The following CDH13 variants were observed in gnomAD, a reference collection of about 807,000 sequenced individuals.
CDH13 encodes the protein cadherin 13.
Under a neutral mutation model 63.8 loss-of-function variants are expected in CDH13, and 24 were observed. The observed-to-expected ratio is 0.38, with a 90% CI of 0.27 to 0.53. CDH13 has a LOEUF of 0.53. Among genes scored for constraint, CDH13 ranks in the 20% least tolerant of loss-of-function variants. The pLI, the probability that CDH13 is intolerant of heterozygous loss-of-function variation, is 0.85. For synonymous variants in CDH13, 503 were observed against 355.3 expected (o/e 1.42, Z -4.67); for missense variants, 1,049 against 903.1 (o/e 1.16, Z -2.07).
chr16:82,838,687 T>C (rs9934411), intron 1 of CDH13, among the ~76,000 whole-genome samples: 48,090 of 152,086 alleles, frequency 0.32, 8,829 homozygotes, highest in East Asian at 0.81. Flanking sequence ...TTGTTTATAC[T>C]CAAAGTCATT....
intron 7 of CDH13, 106 bp downstream of exon 7, chr16:83,486,761 G>A: frequency 1.0e-6 from 1 of 979,342 alleles, no homozygotes; most frequent in Non-Finnish European, 1.6e-6. Flanking sequence ...TACTGTAAAG[G>A]CAGAAATGAG....
chr16:83,014,600 C>T (rs1297308979), intron 2 of CDH13, among the ~76,000 whole-genome samples: 2 of 149,602 alleles, frequency 1.3e-5, no homozygotes, highest in African/African-American at 4.9e-5. Flanking sequence ...GAGTGGTGGC[C>T]CATGCCTGTA....
At chr16:83,272,734 A>T (rs950733285) in intron 5 of CDH13, among the ~76,000 whole-genome samples, 1 of 152,148 alleles carries the variant, frequency 6.6e-6, no homozygotes, top group Non-Finnish European at 1.5e-5. Flanking sequence ...GGCTGGACAC[A>T]CTTCAGTAGC....
intron 10 of CDH13, among the ~76,000 whole-genome samples, chr16:83,720,876 C>A (rs896613012): frequency 1.3e-5 from 2 of 152,176 alleles, no homozygotes; most frequent in East Asian, 1.9e-4. Context: ...CTGGCACAAC[C>A]TTTATGGAGT....
At chr16:83,104,218 A>G (rs948844892) in intron 3 of CDH13, among the ~76,000 whole-genome samples, 6 of 152,220 alleles carry the variant, frequency 3.9e-5, no homozygotes, top group Non-Finnish European at 8.8e-5. Context: ...AGAATATCAA[A>G]TGTGGAACTT....
At chr16:82,989,446 A>G (rs1008168657) in intron 2 of CDH13, among the ~76,000 whole-genome samples, 2 of 152,212 alleles carry the variant, frequency 1.3e-5, no homozygotes, top group African/African-American at 2.4e-5. Flanking sequence ...CACATGTCCC[A>G]GGAATATCAG....
At chr16:83,140,529 C>T (rs1037219305) in intron 4 of CDH13, among the ~76,000 whole-genome samples, 8 of 152,170 alleles carry the variant, frequency 5.3e-5, no homozygotes, top group African/African-American at 1.9e-4. Flanking sequence ...TCTTGGCTCA[C>T]TACAACCTCG....
chr16:83,299,885 C>T (rs2089691228), intron 5 of CDH13, among the ~76,000 whole-genome samples: 1 of 152,188 alleles, frequency 6.6e-6, no homozygotes, highest in African/African-American at 2.4e-5. Flanking sequence ...CTGCTGGAGG[C>T]CTCAGGCTGT....
chr16:83,543,973 AC>A (rs2150657004), intron 7 of CDH13, among the ~76,000 whole-genome samples: 1 of 152,354 alleles, frequency 6.6e-6, no homozygotes, highest in Non-Finnish European at 1.5e-5. Flanking sequence ...CAGGGAGAAC[AC>A]AGCTTTGTTG....
chr16:82,949,220 G>A (rs924970036), intron 2 of CDH13, among the ~76,000 whole-genome samples: 1 of 152,162 alleles, frequency 6.6e-6, no homozygotes, highest in African/African-American at 2.4e-5. Context: ...AGAGTGTCTA[G>A]GGGAGGATTC....
intron 1 of CDH13, among the ~76,000 whole-genome samples, chr16:82,725,701 A>G (rs1035902431): frequency 3.3e-5 from 5 of 152,152 alleles, no homozygotes; most frequent in Non-Finnish European, 7.3e-5. Flanking sequence ...AGTTGTATGC[A>G]GTGCCCCGAA....
intron 5 of CDH13, among the ~76,000 whole-genome samples, chr16:83,222,178 C>T (rs796316218): frequency 1.2e-4 from 19 of 152,316 alleles, no homozygotes; most frequent in African/African-American, 3.9e-4. Flanking sequence ...GACCTCACTG[C>T]CACCTTCTGA....
At chr16:83,227,152 C>A (rs1366919247) in intron 5 of CDH13, among the ~76,000 whole-genome samples, 1 of 152,176 alleles carries the variant, frequency 6.6e-6, no homozygotes, top group African/African-American at 2.4e-5. Flanking sequence ...TTAAATTGAT[C>A]ACAAACGATT....
intron 2 of CDH13, among the ~76,000 whole-genome samples, chr16:82,868,017 C>T (rs1220666543): frequency 6.6e-6 from 1 of 152,178 alleles, no homozygotes. Context: ...TTCACACATC[C>T]TTTACATATT....
chr16:83,442,517 G>C (rs1254874716), intron 6 of CDH13, among the ~76,000 whole-genome samples: 1 of 151,612 alleles, frequency 6.6e-6, no homozygotes, highest in East Asian at 2.0e-4. Context: ...GGATGAGAGA[G>C]ATCCAGCTTT....
At chr16:82,804,309 A>ATG (rs60630559) in intron 1 of CDH13, among the ~76,000 whole-genome samples, 7,593 of 146,436 alleles carry the variant, frequency 0.052, 250 homozygotes, top group Non-Finnish European at 0.063. Context: ...ACACACACAC[A>ATG]CACGCACACA....
Position 83,526,909 on chromosome 16 carries a change from A to G in CDH13, c.960+40254A>G, listed in dbSNP as rs188139130. On this transcript the variant is annotated intron_variant, in intron 7 of 13. Transcript: ENST00000567109. ...CACTTTGGGAGGCCAAGGCGGGCAG[A>G]TCATGTGAGGTTGGGAGTTTGAGAC... Among the ~76,000 whole-genome samples, 201 of 152,272 alleles carry G rather than the reference A, an allele frequency of 1.3e-3. 2 individuals are homozygous for G. The highest frequency in any genetic ancestry group is 4.6e-3 in the African/African-American group (190 of 41,566).
intron 3 of CDH13, among the ~76,000 whole-genome samples, chr16:83,079,185 G>C (rs2033063360): frequency 1.3e-5 from 2 of 152,188 alleles, no homozygotes; most frequent in Admixed American, 1.3e-4. Context: ...TTTTCTACAG[G>C]AGAATTGGTC....
intron 2 of CDH13, among the ~76,000 whole-genome samples, chr16:82,918,933 A>G (rs376748483): frequency 1.3e-5 from 2 of 152,154 alleles, no homozygotes; most frequent in Non-Finnish European, 2.9e-5. Context: ...AAAACTATGC[A>G]TTTTTATCAA....
Sources: gnomAD v4.1 joint callset for allele counts (sites outside exome capture counted in the v4.1 genomes callset) on GRCh38, gnomAD v4.1.1 for gene constraint, MANE v1.5 for transcripts, NCBI Gene and HGNC (gene_info 2026-07-23, HGNC 2026-07-21) for gene names.